ZNF385D: variants seen among roughly 807,000 people sequenced by gnomAD.
ZNF385D encodes the protein zinc finger protein 385D, also known as zinc finger protein 659.
ZNF385D carries 15 observed loss-of-function variants against 35.8 expected under a neutral mutation model. The observed-to-expected ratio is 0.42, with a 90% CI of 0.28 to 0.64. ZNF385D has a LOEUF of 0.64. Ranked by LOEUF, ZNF385D falls within the 30% of genes least tolerant of loss-of-function variation. ZNF385D has a pLI of 0.23. For synonymous variants in ZNF385D, 212 were observed against 186.8 expected, an observed-to-expected ratio of 1.13 and a Z score of -1.10; for missense variants, 474 against 494.6, an observed-to-expected ratio of 0.96 and a Z score of 0.39.
In ZNF385D at chr3:22,259,471, A is replaced by G. The variant is rs533390265; in HGVS notation, c.107-90436T>C. 1.8e-4 allele frequency among the ~76,000 whole-genome samples: 27 copies of G among 152,068 alleles called. No homozygotes were observed. In the East Asian group the frequency reaches 5.1e-3, roughly 28 times the overall value. On this transcript the variant is annotated intron_variant, in intron 2 of 5. Transcript: ENST00000494108. ...TTTCAAGTAGAATTGACATTCTATG[A>G]TAAAATGCAAGTAGTTTAGCCTACA...
chr3:22,343,488 G>T (rs993661856), intron 2 of ZNF385D, among the ~76,000 whole-genome samples: 1 of 152,234 alleles, frequency 6.6e-6, no homozygotes, highest in African/African-American at 2.4e-5. Context: ...CCCCTGGTGG[G>T]ACTACCCTGG....
intron 3 of ZNF385D, among the ~76,000 whole-genome samples, chr3:22,093,540 C>T (rs1701439765): frequency 4.6e-5 from 7 of 151,928 alleles, no homozygotes. Flanking sequence ...AGTTTGAAAA[C>T]TACTAGAGGT....
chr3:21,596,782 A>G (rs2064140459), intron 2 of ZNF385D, among the ~76,000 whole-genome samples: 1 of 151,942 alleles, frequency 6.6e-6, no homozygotes, highest in Non-Finnish European at 1.5e-5. Context: ...GCTGGCCACA[A>G]GTAGTTTTAA....
At chr3:21,659,880 C>T (rs1256671313) in intron 2 of ZNF385D, among the ~76,000 whole-genome samples, 2 of 152,036 alleles carry the variant, frequency 1.3e-5, no homozygotes, top group Non-Finnish European at 2.9e-5. Context: ...AAATCTCAGG[C>T]CCCTCCCCAG....
intron 2 of ZNF385D, among the ~76,000 whole-genome samples, chr3:22,304,135 G>A (rs1053813557): frequency 7.9e-5 from 12 of 152,104 alleles, no homozygotes; most frequent in Middle Eastern, 3.2e-3. Context: ...ATCTGGCTTA[G>A]GTCTATTGCA....
At chr3:21,799,407 T>C (rs754117716) in intron 3 of ZNF385D, among the ~76,000 whole-genome samples, 57 of 152,200 alleles carry the variant, frequency 3.7e-4, no homozygotes, top group Non-Finnish European at 7.2e-4. Flanking sequence ...TTCCAGTTTC[T>C]CTACATCCTC....
intron 3 of ZNF385D, among the ~76,000 whole-genome samples, chr3:22,101,927 T>C (rs1437710126): frequency 1.3e-5 from 2 of 151,490 alleles, no homozygotes; most frequent in Non-Finnish European, 2.9e-5. Context: ...CAGAGTAAGT[T>C]AGTGGACAAA....
intron 3 of ZNF385D, among the ~76,000 whole-genome samples, chr3:21,961,138 T>C (rs927069651): frequency 1.3e-5 from 2 of 152,060 alleles, no homozygotes; most frequent in Non-Finnish European, 2.9e-5. Flanking sequence ...TTGAGTATTA[T>C]ACACTGTATA....
intron 4 of ZNF385D, among the ~76,000 whole-genome samples, chr3:21,477,229 C>A (rs1474265842): frequency 1.3e-5 from 2 of 152,030 alleles, no homozygotes; most frequent in East Asian, 3.9e-4. Flanking sequence ...AAGACCATGT[C>A]TAAACTAAAA....
At chr3:21,665,074 G>T in intron 1 of ZNF385D, 46 bp from the exon 2 acceptor site, 1 of 1,519,138 alleles carries the variant, frequency 6.6e-7, no homozygotes, top group South Asian at 1.3e-5. Context: ...ACCACGCATG[G>T]AAAAAAACAC....
chr3:22,273,395 G>A (rs1404697406), intron 2 of ZNF385D, among the ~76,000 whole-genome samples: 2 of 151,868 alleles, frequency 1.3e-5, no homozygotes, highest in Non-Finnish European at 2.9e-5. Flanking sequence ...TCAGTCAGGG[G>A]TGATTTTAAA....
chr3:22,367,724 G>A (rs781384006), intron 2 of ZNF385D, among the ~76,000 whole-genome samples: 26 of 151,928 alleles, frequency 1.7e-4, no homozygotes, highest in Non-Finnish European at 3.2e-4. Context: ...GAGACTGTTG[G>A]AGAAGCAAAG....
chr3:22,167,874 T>C (rs1476602609), intron 3 of ZNF385D, among the ~76,000 whole-genome samples: 2 of 152,202 alleles, frequency 1.3e-5, no homozygotes, highest in African/African-American at 4.8e-5. Context: ...TCCTTTCCAA[T>C]AGAATACTAC....
chr3:22,242,092 G>T (rs548575112), intron 2 of ZNF385D, among the ~76,000 whole-genome samples: 1 of 150,624 alleles, frequency 6.6e-6, no homozygotes, highest in South Asian at 2.2e-4. Flanking sequence ...GGGGAAGGGG[G>T]GAGGGATAGC....
intron 3 of ZNF385D, among the ~76,000 whole-genome samples, chr3:22,118,334 T>G (rs1306012286): frequency 6.6e-6 from 1 of 152,064 alleles, no homozygotes; most frequent in East Asian, 1.9e-4. Context: ...TTGATAAATT[T>G]CTTCATGGAA....
chr3:21,830,904 A>C (rs1363908932), intron 3 of ZNF385D, among the ~76,000 whole-genome samples: 1 of 152,224 alleles, frequency 6.6e-6, no homozygotes, highest in Non-Finnish European at 1.5e-5. Context: ...ACCCAAGTTC[A>C]CTGAAGGGTG....
At chr3:22,110,230 C>T (rs1394609544) in intron 3 of ZNF385D, among the ~76,000 whole-genome samples, 20 of 151,804 alleles carry the variant, frequency 1.3e-4, no homozygotes, top group African/African-American at 4.1e-4. Context: ...GTCAGTGTGG[C>T]GATTCCTCAG....
At chr3:21,999,794 T>C (rs572211324) in intron 3 of ZNF385D, among the ~76,000 whole-genome samples, 1 of 148,228 alleles carries the variant, frequency 6.7e-6, no homozygotes, top group African/African-American at 2.5e-5. Flanking sequence ...ATAATAATAA[T>C]GAAAAACAAA....
chr3:21,441,594 G>A (rs3821733), intron 4 of ZNF385D: 154,703 of 668,342 alleles, frequency 0.23, 20,740 homozygotes, highest in African/African-American at 0.52. Flanking sequence ...AGTCAATTAC[G>A]TATATCCAAA....
Sources: gnomAD v4.1 joint callset for allele counts (sites outside exome capture counted in the v4.1 genomes callset) on GRCh38, gnomAD v4.1.1 for gene constraint, MANE v1.5 for transcripts, NCBI Gene and HGNC (gene_info 2026-07-23, HGNC 2026-07-21) for gene names.